HTR3D: variants seen among roughly 807,000 people sequenced by gnomAD.
HTR3D encodes 5-hydroxytryptamine (serotonin) receptor 3 family member D.
A neutral mutation model predicts 45.8 loss-of-function variants in HTR3D; 47 were observed. That is an observed-to-expected ratio of 1.03 (90% CI 0.81 to 1.31). HTR3D has a LOEUF of 1.31. Among genes scored for constraint, HTR3D ranks in the 50% most tolerant of loss-of-function variants. HTR3D has a pLI of 0.00. For synonymous variants in HTR3D, 203 were observed against 199.8 expected (o/e 1.02, Z -0.13); for missense variants, 448 against 506.9 (o/e 0.88, Z 1.12).
intron 4 of HTR3D, 76 bp downstream of exon 4, chr3:184,036,620 A>G: frequency 6.3e-7 from 1 of 1,597,838 alleles, no homozygotes; most frequent in South Asian, 1.1e-5. Flanking sequence ...AGCTGGGAAC[A>G]GTGAGGGAAT....
At chr3:184,032,918 A>G (rs1722789242) in intron 1 of HTR3D, 1 of 1,552,544 alleles carries the variant, frequency 6.4e-7, no homozygotes, top group Non-Finnish European at 8.7e-7. Flanking sequence ...TTTGATTATC[A>G]ATTGCCCAGG....
At chr3:184,037,994 C>T in intron 5 of HTR3D, 27 bp from the exon 6 acceptor site, 1 of 1,609,156 alleles carries the variant, frequency 6.2e-7, no homozygotes. Flanking sequence ...CTACTTCTCA[C>T]TTGCCCCTCC....
Position 184,031,995 on chromosome 3 carries a change from C to CTTTTT in HTR3D, c.66+201_66+205dup, listed in dbSNP as rs3031482. Among the ~76,000 whole-genome samples, 138 of 129,612 alleles carry CTTTTT rather than the reference C, an allele frequency of 1.1e-3. 4 individuals carry two copies. Among genetic ancestry groups the CTTTTT allele is most frequent in the African/African-American group, 3.5e-3 (117 of 33,102 alleles). 85.0% of individuals were successfully genotyped at this position (129,612 alleles called of 152,430 possible). A position where few individuals can be genotyped will look rare whatever the true frequency, so the allele number is the denominator to read the frequency against. ...AATATTTAGTTAACTCTTTTCTCTT[C>CTTTTT]TTTTTTTTTTTTTTTTTGAGATGGA... On this transcript the variant is annotated intron_variant, in intron 1 of 7. Coordinates refer to ENST00000428798, the MANE Select transcript of HTR3D (RefSeq NM_001145143.1).
intron 1 of HTR3D, among the ~76,000 whole-genome samples, chr3:184,034,830 A>T (rs1381222750): frequency 6.6e-6 from 1 of 152,194 alleles, no homozygotes; most frequent in African/African-American, 2.4e-5. Context: ...TCTGTCTCAA[A>T]AAAAAGAAAA....
chr3:184,032,831 A>C (rs1722786282), intron 1 of HTR3D: 2 of 1,550,654 alleles, frequency 1.3e-6, no homozygotes, highest in Non-Finnish European at 1.7e-6. Context: ...TTTTCTCTCC[A>C]TGCAGAAACA....
chr3:184,039,232 C>A lies in HTR3D; in HGVS notation c.*257C>A. The A allele has an allele frequency of 2.2e-6, 1 of 452,010 alleles. No homozygotes were observed. The allele number at this position is 452,010 out of a possible 1,614,324, so 28.0% of individuals were successfully genotyped here. A position where few individuals can be genotyped will look rare whatever the true frequency, so the allele number is the denominator to read the frequency against. ...AGGATTCAGGTTCCTAGGGTACGTC[C>A]TTGATTAAATCACCCCAATATGCCC... On this transcript the variant is annotated 3_prime_UTR_variant, in exon 8 of 8. Transcript: ENST00000428798.
In HTR3D at chr3:184,038,464, C is replaced by CT. The variant is rs1560075856; in HGVS notation, c.827dup (p.Ile277HisfsTer42). The CT allele has an allele frequency of 1.2e-6, 2 of 1,614,154 alleles. No individual in the cohort carries two copies. On this transcript the variant is annotated frameshift_variant, in exon 7 of 8. Transcript: ENST00000428798. LOFTEE classifies it high-confidence loss of function. This position sits in a 1 kb window ranked among gnomAD's most constrained non-coding sequence, Gnocchi z 4.5. ...TGGTGGGCAGCCTGCTGGAGACCAT[C>CT]TTCATCACCCACCTGCTGCACGTGG...
chr3:184,032,001 T>C (rs1370997551), intron 1 of HTR3D, among the ~76,000 whole-genome samples, 194 bp downstream of exon 1: 1 of 150,114 alleles, frequency 6.7e-6, no homozygotes, highest in Admixed American at 6.6e-5. Context: ...TCTTCTTTTT[T>C]TTTTTTTTTT....
rs757019974 is a variant in HTR3D, at chr3:184,038,866, T to G, written c.1106T>G (p.Val369Gly). 6.2e-7 allele frequency: 1 copy of G among 1,614,202 alleles called. No individual in the cohort carries two copies. Among genetic ancestry groups the G allele is most frequent in the Admixed American group, 1.7e-5 (1 of 60,030 alleles). ...CACGAGGCCCAGAAGCAGCACTCGG[T>G]GGAGCTGTGGGTGCAGTTCAGCCAC... is the stretch of plus-strand genomic sequence containing the variant. Reference protein sequence around the residue: ...REHEAQKQHSVELWVQFSHAM... With the variant: ...REHEAQKQHSGELWVQFSHAM... The change falls in exon 8 of 8, where the codon GTG becomes GGG. Residue 369 changes from valine (V) to glycine (G), a missense_variant. Val to Gly is a moderately radical substitution (Grantham distance 109). Coordinates refer to ENST00000428798, the MANE Select transcript of HTR3D (RefSeq NM_001145143.1). The surrounding 1 kb of genome is among the most constrained non-coding windows in gnomAD (Gnocchi z 4.5).
At chr3:184,037,477 C>G (rs1245157198) in intron 5 of HTR3D, among the ~76,000 whole-genome samples, 1 of 152,200 alleles carries the variant, frequency 6.6e-6, no homozygotes, top group East Asian at 1.9e-4. Context: ...TGAGCCCCGC[C>G]TTCCCCAATG....
intron 3 of HTR3D, 34 bp from the exon 4 acceptor site, chr3:184,036,341 C>A: frequency 6.2e-7 from 1 of 1,609,850 alleles, no homozygotes; most frequent in Non-Finnish European, 8.5e-7. Context: ...ACCCACAGCA[C>A]CTACCTCCCT....
rs1348620083 is a variant in HTR3D at position 184,038,219 on chromosome 3, A to C, written c.715A>C (p.Thr239Pro). 3 of 1,614,200 alleles carry C rather than the reference A, an allele frequency of 1.9e-6. No individual in the cohort carries two copies. In the Admixed American group the frequency reaches 5.0e-5, roughly 27 times the overall value. ...MMNDLLPATSTSSHASLVRPH... is the reference protein window; with the variant it reads ...MMNDLLPATSPSSHASLVRPH... ...GAATGACTTGCTCCCAGCCACTAGC[A>C]CTTCATCACATGCTTCACTAGTACG... The change falls in exon 6 of 8, where the codon ACT becomes CCT. Residue 239 changes from threonine (T) to proline (P), a missense_variant. Physicochemically the swap from Thr to Pro is conservative, Grantham distance 38 (BLOSUM62 -1). Transcript: ENST00000428798. The surrounding 1 kb of genome is among the most constrained non-coding windows in gnomAD (Gnocchi z 4.5).
At chr3:184,032,955 C>A in intron 1 of HTR3D, 1 of 1,552,436 alleles carries the variant, frequency 6.4e-7, no homozygotes. Context: ...GTGGACCCTG[C>A]AGCCTTTCAA....
At chr3:184,036,333 C>T (rs745565153) in intron 3 of HTR3D, 42 bp from the exon 4 acceptor site, 28 of 1,606,148 alleles carry the variant, frequency 1.7e-5, no homozygotes, top group African/African-American at 2.7e-5. Flanking sequence ...ATGGGGAAAC[C>T]CACAGCACCT....
At chr3:184,032,941 C>A (rs1302316510) in intron 1 of HTR3D, 4 of 1,552,570 alleles carry the variant, frequency 2.6e-6, no homozygotes, top group Non-Finnish European at 3.5e-6. Context: ...TTGGCCAGCA[C>A]AGGGTGGACC....
chr3:184,031,943 T>C (rs939334), intron 1 of HTR3D, 136 bp downstream of exon 1: 200,271 of 628,168 alleles, frequency 0.32, 33,805 homozygotes, highest in African/African-American at 0.46. Context: ...GTGACACTGA[T>C]GGCTTTGTAC....
chr3:184,035,840 C>T (rs1722869815), intron 2 of HTR3D, 175 bp from the exon 3 acceptor site: 2 of 574,592 alleles, frequency 3.5e-6, no homozygotes, highest in Non-Finnish European at 5.9e-6. Flanking sequence ...TTACAGGGGC[C>T]CACCACCACA....
At chr3:184,031,995 C>CTTTTTTTT (rs3031482) in intron 1 of HTR3D, among the ~76,000 whole-genome samples, 188 bp downstream of exon 1, 6 of 129,614 alleles carry the variant, frequency 4.6e-5, no homozygotes, top group African/African-American at 1.8e-4. Flanking sequence ...CTTTTCTCTT[C>CTTTTTTTT]TTTTTTTTTT....
chr3:184,036,963 GGT>G, intron 5 of HTR3D, 67 bp downstream of exon 5: 1 of 1,481,340 alleles, frequency 6.8e-7, no homozygotes, highest in South Asian at 1.3e-5. Context: ...CCTGGCTTCA[GGT>G]GATCCGCCCG....
Sources: allele counts gnomAD v4.1 joint callset (sites outside exome capture counted in the v4.1 genomes callset), GRCh38; gene constraint gnomAD v4.1.1; non-coding constraint Gnocchi (gnomAD v3.1); transcripts MANE v1.5; gene names NCBI Gene and HGNC (gene_info 2026-07-23, HGNC 2026-07-21).